Variants in TENT4B observed in about 807,000 individuals in gnomAD.
TENT4B encodes the protein PAP associated domain containing 5.
A neutral mutation model predicts 75.0 loss-of-function variants in TENT4B; 10 were observed. That is an observed-to-expected ratio of 0.13 (90% CI 0.08 to 0.23). TENT4B has a LOEUF of 0.23. TENT4B is among the 10% of genes least tolerant of loss of function. TENT4B has a pLI of 1.00. For synonymous variants in TENT4B, 350 were observed against 357.7 expected, an observed-to-expected ratio of 0.98 and a Z score of 0.24; for missense variants, 579 against 893.8, an observed-to-expected ratio of 0.65 and a Z score of 4.49.
chr16:50,214,717 T>C (rs1756010825), intron 3 of TENT4B, among the ~76,000 whole-genome samples: 1 of 152,170 alleles, frequency 6.6e-6, no homozygotes, highest in Non-Finnish European at 1.5e-5. Flanking sequence ...TACCTTGAAG[T>C]AGAATATCAC....
chr16:50,221,557 G>A (rs1347718940), intron 5 of TENT4B, among the ~76,000 whole-genome samples: 1 of 152,162 alleles, frequency 6.6e-6, no homozygotes, highest in Non-Finnish European at 1.5e-5. Flanking sequence ...CAGGGCTGTG[G>A]CAGAATAATC....
intron 7 of TENT4B, 34 bp from the exon 8 acceptor site, chr16:50,224,623 C>A: frequency 6.2e-7 from 1 of 1,611,986 alleles, no homozygotes; most frequent in South Asian, 1.1e-5. Context: ...TAAGCACAGT[C>A]AGGCTTACTA....
chr16:50,167,502 A>G (rs759227498), intron 1 of TENT4B, among the ~76,000 whole-genome samples: 3 of 151,528 alleles, frequency 2.0e-5, no homozygotes, highest in Admixed American at 6.6e-5. Context: ...TTTTGTTTCA[A>G]TGATGTCTAA....
chr16:50,222,281 T>C (rs1204595914), intron 5 of TENT4B, 25 bp from the exon 6 acceptor site: 2 of 1,556,110 alleles, frequency 1.3e-6, no homozygotes, highest in East Asian at 2.3e-5. Context: ...CAGGAATTCA[T>C]TGAAAATACA....
chr16:50,187,529 G>A (rs2038554294), intron 1 of TENT4B, among the ~76,000 whole-genome samples: 1 of 152,230 alleles, frequency 6.6e-6, no homozygotes, highest in African/African-American at 2.4e-5. Context: ...GTTGCAGTGA[G>A]CCGAGATTGT....
In TENT4B at chr16:50,153,567, G is replaced by T; in HGVS notation, c.-55G>T. 2 of 979,140 alleles carry T rather than the reference G, an allele frequency of 2.0e-6. No homozygotes were observed. Among genetic ancestry groups the T allele is most frequent in the Non-Finnish European group, 2.4e-6 (2 of 827,436 alleles). 60.7% of individuals were successfully genotyped at this position (979,140 alleles called of 1,614,324 possible). ...CCGGGCGTGCGCCTGAGGCGGCGGC[G>T]GCGGCGGCCCTGCGGGCGGCCGGGA... On this transcript the variant is annotated 5_prime_UTR_variant, in exon 1 of 12. Transcript: ENST00000561678.
rs2032121837 is a variant in TENT4B, at chr16:50,227,845, G to A, written c.1807G>A (p.Asp603Asn). The stretch of plus-strand genomic sequence containing the variant: ...CTCACGTGACTTGTGTTAGGATTCC[G>A]ATGCAACACCATGCAAAACCCCGAA... ...TQSSSSDVDS[D>N]ATPCKTPKQL... The change falls in exon 11 of 12, where the codon GAT becomes AAT. Residue 603 changes from aspartate to asparagine, a missense_variant. By Grantham distance (23) the Asp-to-Asn change is conservative. Transcript: ENST00000561678. 1 of 1,613,880 alleles carries A rather than the reference G, an allele frequency of 6.2e-7. No individual in the cohort carries two copies. The highest frequency in any genetic ancestry group is 8.5e-7 in the Non-Finnish European group (1 of 1,179,874).
At position 50,232,374 on chromosome 16, in the gene TENT4B, C is replaced by T. The variant is rs2032323246; in HGVS notation, c.*3046C>T. On this transcript the variant is annotated 3_prime_UTR_variant, in exon 12 of 12. Coordinates refer to ENST00000561678, the MANE Select transcript of TENT4B (RefSeq NM_001365324.3). ...CTGTTTTGAGTGTACTTTACCTTTACTTGCATTTTGAGCCTCATTAATATT... is the reference window on the plus strand; with the variant it reads ...CTGTTTTGAGTGTACTTTACCTTTATTTGCATTTTGAGCCTCATTAATATT... 1.0e-6 allele frequency: 1 copy of T among 985,304 alleles called. No individual in the cohort carries two copies. The allele number at this position is 985,304 out of a possible 1,614,324, so 61.0% of individuals were successfully genotyped here. A position where few individuals can be genotyped will look rare whatever the true frequency, so the allele number is the denominator to read the frequency against.
chr16:50,185,514 G>T (rs2150702071), intron 1 of TENT4B, among the ~76,000 whole-genome samples: 1 of 152,272 alleles, frequency 6.6e-6, no homozygotes, highest in African/African-American at 2.4e-5. Context: ...CTGTGTCAAT[G>T]GGTCATCTGT....
intron 1 of TENT4B, among the ~76,000 whole-genome samples, chr16:50,199,277 G>A (rs576840012): frequency 1.2e-4 from 19 of 152,244 alleles, no homozygotes; most frequent in Non-Finnish European, 2.5e-4. Flanking sequence ...GCCACGCATG[G>A]CTGTTCCTGC....
Position 50,227,939 on chromosome 16 carries a change from A to T in TENT4B, c.1901A>T (p.Gln634Leu). 6.2e-7 allele frequency: 1 copy of T among 1,614,018 alleles called. No homozygotes were observed. The highest frequency in any genetic ancestry group is 8.5e-7 in the Non-Finnish European group (1 of 1,179,890). ...GSQDVSLESS[Q>L]AVGKMQSTQT... ...CAAGATGTATCCTTGGAGTCCTCTCAGGCAGTTGGGAAAATGCAAAGCACC... is the reference window on the plus strand; with the variant it reads ...CAAGATGTATCCTTGGAGTCCTCTCTGGCAGTTGGGAAAATGCAAAGCACC... The change falls in exon 11 of 12, where the codon CAG (glutamine) becomes CTG (leucine). Residue 634 changes from glutamine (Q) to leucine (L), a missense_variant. This residue lies in a region of TENT4B where 164 missense variants were observed against 226.5 expected (regional missense o/e 0.72). Coordinates refer to ENST00000561678, the MANE Select transcript of TENT4B (RefSeq NM_001365324.3).
At chr16:50,153,095 G>T (rs1031000956), upstream of TENT4B, 10 of 1,330,036 alleles carry the variant, frequency 7.5e-6, no homozygotes, top group Non-Finnish European at 9.8e-6. Context: ...CGGCCCCGTC[G>T]CGCCGCGGCC....
At chr16:50,168,037 A>G (rs58350231) in intron 1 of TENT4B, among the ~76,000 whole-genome samples, 1 of 151,876 alleles carries the variant, frequency 6.6e-6, no homozygotes, top group East Asian at 1.9e-4. Context: ...CAGTTGTCCC[A>G]GAACCATTTG....
chr16:50,184,408 C>T (rs1021632529), intron 1 of TENT4B, among the ~76,000 whole-genome samples: 2 of 152,168 alleles, frequency 1.3e-5, no homozygotes, highest in Non-Finnish European at 2.9e-5. Context: ...GTGGCTCACG[C>T]CTGTAATCCC....
chr16:50,225,358 G>T, intron 10 of TENT4B, 73 bp downstream of exon 10: 1 of 1,340,252 alleles, frequency 7.5e-7, no homozygotes, highest in African/African-American at 1.5e-5. Flanking sequence ...ACACTGTCTC[G>T]AAGGCTAAGG....
Position 50,216,171 on chromosome 16 carries a change from G to A in TENT4B, c.906G>A (p.Ser302=), listed in dbSNP as rs369355714. 27 of 1,613,804 alleles carry A rather than the reference G, an allele frequency of 1.7e-5. No homozygotes were observed. The African/African-American group carries it at 2.7e-4, about 16-fold the overall frequency. The change falls in exon 4 of 12, where the codon TCG becomes TCA. Residue 302 remains serine, a synonymous_variant. Coordinates refer to ENST00000561678, the MANE Select transcript of TENT4B (RefSeq NM_001365324.3). ...AACACAAAGTCGCAGATGAGGATTC[G>A]GTGAAAGTTTTAGACAAAGCAACTG... ...LRKHKVADED[S]VKVLDKATVP...
At chr16:50,226,557 T>C (rs2032064947) in intron 10 of TENT4B, among the ~76,000 whole-genome samples, 1 of 152,112 alleles carries the variant, frequency 6.6e-6, no homozygotes, top group African/African-American at 2.4e-5. Context: ...GCCTCCCAAG[T>C]AGCTGGGACT....
At chr16:50,195,703 A>G (rs1264385824) in intron 1 of TENT4B, among the ~76,000 whole-genome samples, 1 of 152,242 alleles carries the variant, frequency 6.6e-6, no homozygotes, top group African/African-American at 2.4e-5. Flanking sequence ...TAATGAAACT[A>G]AATGAGGCCT....
chr16:50,182,904 T>G (rs2038446872), intron 1 of TENT4B, among the ~76,000 whole-genome samples: 2 of 133,082 alleles, frequency 1.5e-5, no homozygotes, highest in Non-Finnish European at 3.2e-5. Flanking sequence ...TTTTTTTTTT[T>G]TTTTTTTTTT....
Sources: allele counts gnomAD v4.1 joint callset (sites outside exome capture counted in the v4.1 genomes callset), GRCh38; gene constraint gnomAD v4.1.1; regional missense constraint gnomAD v4.1.1; transcripts MANE v1.5; gene names NCBI Gene and HGNC (gene_info 2026-07-23, HGNC 2026-07-21).